KIF13A: variants seen among roughly 807,000 people sequenced by gnomAD.
KIF13A encodes the protein kinesin-like protein KIF13A.
Under a neutral mutation model 212.2 loss-of-function variants are expected in KIF13A, and 79 were observed. That is an observed-to-expected ratio of 0.37 (90% CI 0.31 to 0.45). KIF13A has a LOEUF of 0.45. Among genes scored for constraint, KIF13A ranks in the 20% least tolerant of loss-of-function variants. The pLI is 1.00. For synonymous variants in KIF13A, 789 were observed against 808.6 expected, an observed-to-expected ratio of 0.98 and a Z score of 0.41; for missense variants, 1,901 against 2,209.0, an observed-to-expected ratio of 0.86 and a Z score of 2.79.
At chr6:17,954,845 G>GA (rs1241786330) in intron 2 of KIF13A, among the ~76,000 whole-genome samples, 2 of 151,766 alleles carry the variant, frequency 1.3e-5, no homozygotes, top group Non-Finnish European at 2.9e-5. Context: ...GGCTAATTAA[G>GA]AAAAAAAATT....
chr6:17,847,423 T>C (rs1767183180), intron 9 of KIF13A, among the ~76,000 whole-genome samples: 1 of 152,220 alleles, frequency 6.6e-6, no homozygotes. Context: ...CTTCCTATAG[T>C]AGTGGTCTTT....
intron 3 of KIF13A, among the ~76,000 whole-genome samples, chr6:17,889,912 AG>A (rs972215727): frequency 7.2e-5 from 11 of 152,202 alleles, no homozygotes; most frequent in Non-Finnish European, 1.5e-4. Context: ...TGGGAGGCCG[AG>A]GCAGGCAGAT....
Position 17,963,035 on chromosome 6 carries a change from T to C in KIF13A, c.146+24019A>G, listed in dbSNP as rs540749879. Among the ~76,000 whole-genome samples, 244 of 152,348 alleles carry C rather than the reference T, an allele frequency of 1.6e-3. 9 individuals are homozygous for C. The South Asian group carries it at 0.049, about 31-fold the overall frequency. ...GATAATTGTTTATCCTATATGATTA[T>C]AATTACATAACCAGCAGGTCTAGTC... is the stretch of plus-strand genomic sequence containing the variant. On this transcript the variant is annotated intron_variant, in intron 2 of 38. Transcript: ENST00000259711. This position sits in a 1 kb window ranked among gnomAD's most constrained non-coding sequence, Gnocchi z 4.1.
At chr6:17,983,099 G>C (rs1460459012) in intron 2 of KIF13A, among the ~76,000 whole-genome samples, 1 of 151,230 alleles carries the variant, frequency 6.6e-6, no homozygotes, top group African/African-American at 2.4e-5. Context: ...CTTGAACCCA[G>C]GAGGCGGAGG....
At chr6:17,817,379 C>A in intron 16 of KIF13A, 146 bp from the exon 17 acceptor site, 1 of 658,074 alleles carries the variant, frequency 1.5e-6, no homozygotes, top group East Asian at 2.6e-5. Context: ...GGGGCCACAT[C>A]AGGGAAATCC....
chr6:17,848,798 G>A (rs1311108751), intron 9 of KIF13A, among the ~76,000 whole-genome samples: 1 of 151,882 alleles, frequency 6.6e-6, no homozygotes, highest in Non-Finnish European at 1.5e-5. Context: ...GGTAGAGAAG[G>A]GGTTTTGTCA....
Position 17,967,473 on chromosome 6 carries a change from G to A in KIF13A, c.146+19581C>T, listed in dbSNP as rs1386953374. On this transcript the variant is annotated intron_variant, in intron 2 of 38. Transcript: ENST00000259711. This position sits in a 1 kb window ranked among gnomAD's most constrained non-coding sequence, Gnocchi z 4.1. ...AAGTTCTTATGAATAAAGAAAGAGA[G>A]AACTCATCTTATGCTCAATCACTCA... 6.6e-6 allele frequency among the ~76,000 whole-genome samples: 1 copy of A among 152,106 alleles called. No homozygotes were observed. The highest frequency in any genetic ancestry group is 1.5e-5 in the Non-Finnish European group (1 of 68,000).
At chr6:17,791,641 G>A (rs1439769931) in intron 25 of KIF13A, among the ~76,000 whole-genome samples, 3 of 152,004 alleles carry the variant, frequency 2.0e-5, no homozygotes, top group East Asian at 1.9e-4. Context: ...TGGCTCACAC[G>A]TGTAATCCCA....
chr6:17,941,282 A>G (rs1430829127), intron 2 of KIF13A, among the ~76,000 whole-genome samples: 1 of 152,216 alleles, frequency 6.6e-6, no homozygotes, highest in Non-Finnish European at 1.5e-5. Context: ...TGCCCTAATT[A>G]TATCAAAGAG....
chr6:17,868,659 A>C (rs1769657318), intron 4 of KIF13A, among the ~76,000 whole-genome samples: 1 of 152,050 alleles, frequency 6.6e-6, no homozygotes. Context: ...CATTATTACA[A>C]CTACCTAGCC....
In KIF13A at chr6:17,789,891, T is replaced by C; in HGVS notation, c.3242A>G (p.Asp1081Gly). The C allele has an allele frequency of 6.2e-7, 1 of 1,613,326 alleles. No homozygotes were observed. The highest frequency in any genetic ancestry group is 8.5e-7 in the Non-Finnish European group (1 of 1,179,488). The change falls in exon 26 of 39, where the codon GAT (aspartate) becomes GGT (glycine). Residue 1081 changes from aspartate (D) to glycine (G), a missense_variant. Physicochemically the swap from Asp to Gly is moderately conservative, Grantham distance 94 (BLOSUM62 -1). This residue lies in a region of KIF13A where 168 missense variants were observed against 250.9 expected (regional missense o/e 0.67). Transcript: ENST00000259711. This position sits in a 1 kb window ranked among gnomAD's most constrained non-coding sequence, Gnocchi z 4.8. ...DSYQRDDEDG[D>G]DMDSYQEEDL... ...CAATACCTGATAACTATCCATATCA[T>C]CACCATCCTCATCATCTCTCTGGTA...
In KIF13A at chr6:17,764,179, CA is replaced by C; in HGVS notation, c.5348del (p.Leu1783ArgfsTer5). The C allele has an allele frequency of 6.2e-7, 1 of 1,614,030 alleles. No homozygotes were observed. Among genetic ancestry groups the C allele is most frequent in the Non-Finnish European group, 8.5e-7 (1 of 1,179,898 alleles). On this transcript the variant is annotated frameshift_variant, in exon 39 of 39. Coordinates refer to ENST00000259711, the MANE Select transcript of KIF13A (RefSeq NM_022113.6). LOFTEE classifies it low-confidence loss of function (END_TRUNC). The surrounding 1 kb of genome is among the most constrained non-coding windows in gnomAD (Gnocchi z 5.1). Reference protein sequence around the residue: ...VSDGLHHPSQLHSKLENDQVI... With the variant: ...VSDGLHHPSQXHSKLENDQVI... ...CCTGGTCATTCTCTAACTTGGAATG[CA>C]GCTGGCTGGGGTGGTGGAGCCCATC...
intron 9 of KIF13A, among the ~76,000 whole-genome samples, chr6:17,842,030 T>C (rs913418745): frequency 6.6e-6 from 1 of 150,906 alleles, no homozygotes; most frequent in Non-Finnish European, 1.5e-5. Flanking sequence ...TGTGTGTGTG[T>C]GTGTATACAC....
intron 3 of KIF13A, among the ~76,000 whole-genome samples, chr6:17,887,314 C>T (rs1300101126): frequency 2.0e-5 from 3 of 152,154 alleles, no homozygotes; most frequent in Non-Finnish European, 4.4e-5. Flanking sequence ...AATATATTTT[C>T]GTTGTTTCTA....
In KIF13A at chr6:17,963,705, C is replaced by G. The variant is rs564840032; in HGVS notation, c.146+23349G>C. Among the ~76,000 whole-genome samples the G allele has an allele frequency of 2.6e-5, 4 of 152,062 alleles. No homozygotes were observed. Among genetic ancestry groups the G allele is most frequent in the Non-Finnish European group, 5.9e-5 (4 of 68,016 alleles). On this transcript the variant is annotated intron_variant, in intron 2 of 38. Transcript: ENST00000259711. This position sits in a 1 kb window ranked among gnomAD's most constrained non-coding sequence, Gnocchi z 4.1. ...CCAAGTAGCTGGGATTACAGGCACG[C>G]GCCACCACGCCCTGCTAATTTTTGC... is the stretch of plus-strand genomic sequence containing the variant.
intron 23 of KIF13A, among the ~76,000 whole-genome samples, chr6:17,795,936 T>C (rs1761994645): frequency 6.6e-6 from 1 of 152,238 alleles, no homozygotes; most frequent in Admixed American, 6.5e-5. Flanking sequence ...AGGTTATGTA[T>C]GATTCATCTC....
At position 17,777,863 on chromosome 6, in the gene KIF13A, A is replaced by T. The variant is rs1397506263; in HGVS notation, c.4093-509T>A. Among the ~76,000 whole-genome samples the T allele has an allele frequency of 6.6e-6, 1 of 152,086 alleles. No individual in the cohort carries two copies. The highest frequency in any genetic ancestry group is 1.5e-5 in the Non-Finnish European group (1 of 68,008). Reference sequence around the variant, plus strand: ...TTTTTTTTAAGATAAATAAAACTGCAGGGTGTGGTGGTTCATGTCTATAAT... The same window carrying T: ...TTTTTTTTAAGATAAATAAAACTGCTGGGTGTGGTGGTTCATGTCTATAAT... On this transcript the variant is annotated intron_variant, in intron 33 of 38. Coordinates refer to ENST00000259711, the MANE Select transcript of KIF13A (RefSeq NM_022113.6). The surrounding 1 kb of genome is among the most constrained non-coding windows in gnomAD (Gnocchi z 4.4).
rs774203285 is a variant in KIF13A, at chr6:17,843,953, G to C, written c.830+5424C>G. Among the ~76,000 whole-genome samples, 6 of 151,588 alleles carry C rather than the reference G, an allele frequency of 4.0e-5. No homozygotes were observed. Among genetic ancestry groups the C allele is most frequent in the Non-Finnish European group, 8.8e-5 (6 of 67,992 alleles). ...CCAGCTACTCGGGAGGCTGAGGCAG[G>C]AGAATCACTTGAACCCAGGAGATGG... On this transcript the variant is annotated intron_variant, in intron 9 of 38. Coordinates refer to ENST00000259711, the MANE Select transcript of KIF13A (RefSeq NM_022113.6). The surrounding 1 kb of genome is among the most constrained non-coding windows in gnomAD (Gnocchi z 5.3).
downstream of KIF13A, among the ~76,000 whole-genome samples, chr6:17,761,259 T>C (rs889890847): frequency 6.6e-6 from 1 of 152,160 alleles, no homozygotes; most frequent in Non-Finnish European, 1.5e-5. Flanking sequence ...ATTTAAATTT[T>C]TGTAGAGACA....
Sources: allele counts gnomAD v4.1 joint callset (sites outside exome capture counted in the v4.1 genomes callset), GRCh38; gene constraint gnomAD v4.1.1; regional missense constraint gnomAD v4.1.1; non-coding constraint Gnocchi (gnomAD v3.1); transcripts MANE v1.5; gene names NCBI Gene and HGNC (gene_info 2026-07-23, HGNC 2026-07-21).